The following MLLT10 variants were observed in gnomAD, a reference collection of about 807,000 sequenced individuals.
MLLT10 encodes MLLT10 histone lysine methyltransferase DOT1L cofactor, also known as protein AF-10.
A neutral mutation model predicts 129.1 loss-of-function variants in MLLT10; 30 were observed. That is an observed-to-expected ratio of 0.23 (90% CI 0.17 to 0.32). MLLT10 has a LOEUF of 0.32. MLLT10 is among the 10% of genes least tolerant of loss of function. The probability of loss-of-function intolerance (pLI) is 1.00; values close to 1 mark genes in which losing one functional copy is unlikely to be tolerated. For synonymous variants in MLLT10, 490 were observed against 446.4 expected, an observed-to-expected ratio of 1.10 and a Z score of -1.23; for missense variants, 1,119 against 1,268.3, an observed-to-expected ratio of 0.88 and a Z score of 1.79.
At chr10:21,626,674 C>T (rs1564533577) in intron 8 of MLLT10, among the ~76,000 whole-genome samples, 1 of 152,188 alleles carries the variant, frequency 6.6e-6, no homozygotes, top group Non-Finnish European at 1.5e-5. Context: ...TTGAAGAGAG[C>T]TAGACTACTT....
At chr10:21,738,337 A>C (rs1306380236) in intron 21 of MLLT10, 1 of 1,163,278 alleles carries the variant, frequency 8.6e-7, no homozygotes, top group East Asian at 5.8e-5. Context: ...GCCTCATCTT[A>C]ATATGAGCAC....
At chr10:21,570,983 T>C (rs537183268) in intron 3 of MLLT10, among the ~76,000 whole-genome samples, 2 of 152,204 alleles carry the variant, frequency 1.3e-5, no homozygotes, top group Non-Finnish European at 2.9e-5. Flanking sequence ...TGTGGCATTA[T>C]TGAGTTGCTT....
At chr10:21,699,907 A>G (rs188998312) in intron 13 of MLLT10, among the ~76,000 whole-genome samples, 4 of 152,100 alleles carry the variant, frequency 2.6e-5, no homozygotes, top group South Asian at 2.1e-4. Context: ...TTCTATTTCT[A>G]TGAAAAATGA....
intron 8 of MLLT10, chr10:21,625,591 T>C (rs1251127495): frequency 3.7e-5 from 28 of 758,908 alleles, no homozygotes. Flanking sequence ...ATTTCTTCTT[T>C]TTGTCATCAG....
intron 3 of MLLT10, among the ~76,000 whole-genome samples, chr10:21,573,917 A>G (rs1423147992): frequency 3.3e-5 from 5 of 152,060 alleles, no homozygotes; most frequent in Non-Finnish European, 7.4e-5. Flanking sequence ...TATTTTTGCA[A>G]CTTTGTATGG....
At chr10:21,630,525 GT>G (rs1379206169) in intron 8 of MLLT10, among the ~76,000 whole-genome samples, 2 of 152,100 alleles carry the variant, frequency 1.3e-5, no homozygotes, top group African/African-American at 4.8e-5. Context: ...TGTTTATGTT[GT>G]TTATATAGCA....
intron 3 of MLLT10, among the ~76,000 whole-genome samples, chr10:21,550,174 C>A (rs2036773539): frequency 6.6e-6 from 1 of 152,184 alleles, no homozygotes; most frequent in South Asian, 2.1e-4. Context: ...CCAGGCCAGT[C>A]TCTAAGTTTG....
intron 9 of MLLT10, among the ~76,000 whole-genome samples, chr10:21,665,297 T>TG (rs1488189250): frequency 3.0e-5 from 3 of 101,694 alleles, no homozygotes; most frequent in African/African-American, 1.2e-4. Flanking sequence ...TTGTTTGTTT[T>TG]TTTTGGGGGG....
chr10:21,734,899 C>A (rs2058238241), intron 20 of MLLT10, among the ~76,000 whole-genome samples: 1 of 152,050 alleles, frequency 6.6e-6, no homozygotes, highest in Non-Finnish European at 1.5e-5. Context: ...TGAGTTAGGG[C>A]CTATTTGTTT....
chr10:21,682,289 C>G (rs746443294), intron 13 of MLLT10, 32 bp downstream of exon 13: 2 of 1,594,142 alleles, frequency 1.3e-6, no homozygotes, highest in East Asian at 4.5e-5. Context: ...TCTAGTGGTT[C>G]GTTTATCACA....
intron 5 of MLLT10, among the ~76,000 whole-genome samples, chr10:21,606,971 T>G (rs2063809741): frequency 6.6e-6 from 1 of 152,154 alleles, no homozygotes; most frequent in Non-Finnish European, 1.5e-5. Flanking sequence ...CCAACTTTAT[T>G]GTTATAAATG....
At position 21,733,906 on chromosome 10, in the gene MLLT10, G is replaced by C; in HGVS notation, c.2635G>C (p.Ala879Pro). The C allele has an allele frequency of 6.2e-7, 1 of 1,614,196 alleles. No homozygotes were observed. Among genetic ancestry groups the C allele is most frequent in the Non-Finnish European group, 8.5e-7 (1 of 1,180,034 alleles). Residue 879 changes from alanine (A) to proline (P), a missense_variant, in exon 20 of 23, where the codon GCT (alanine) becomes CCT (proline). By Grantham distance (27) the Ala-to-Pro change is conservative. Transcript: ENST00000307729. ...QVNGVTVGAL[A>P]SGMQPVTSTI... ...CAATGGCGTGACAGTGGGGGCACTA[G>C]CTAGTGGAATGCAGCCTGTAACTTC...
chr10:21,624,778 C>T (rs1002768279), intron 8 of MLLT10: 15 of 1,100,134 alleles, frequency 1.4e-5, no homozygotes, highest in East Asian at 2.4e-5. Flanking sequence ...CCTTCTCTTG[C>T]GTCCTACATT....
intron 14 of MLLT10, among the ~76,000 whole-genome samples, chr10:21,718,915 G>T (rs2056942431): frequency 6.6e-6 from 1 of 152,030 alleles, no homozygotes; most frequent in South Asian, 2.1e-4. Flanking sequence ...GTAGAGATGG[G>T]GTTTCACCAT....
At chr10:21,674,280 T>C (rs192201844) in intron 11 of MLLT10, among the ~76,000 whole-genome samples, 159 of 152,154 alleles carry the variant, frequency 1.0e-3, no homozygotes, top group Non-Finnish European at 2.0e-3. Context: ...GGTGTGAGAG[T>C]TTTTACCCTT....
In MLLT10 at chr10:21,619,069, C is replaced by T. The variant is rs1307706389; in HGVS notation, c.699+1862C>T. ...ACACACACACACACACACACACACA[C>T]TTTTTTTAGATCTCAGGCAGCAAGT... On this transcript the variant is annotated intron_variant, in intron 8 of 22. Transcript: ENST00000307729. Among the ~76,000 whole-genome samples the T allele has an allele frequency of 4.8e-5, 7 of 146,862 alleles. No homozygotes were observed. In the East Asian group the frequency reaches 1.2e-3, roughly 25 times the overall value.
intron 2 of MLLT10, 119 bp from the exon 3 acceptor site, chr10:21,538,714 C>T: frequency 3.0e-6 from 2 of 659,692 alleles, no homozygotes; most frequent in South Asian, 2.0e-5. Flanking sequence ...TTTTACTTCT[C>T]TGTAAAGAGG....
At chr10:21,548,294 C>T (rs1341041942) in intron 3 of MLLT10, among the ~76,000 whole-genome samples, 1 of 151,626 alleles carries the variant, frequency 6.6e-6, no homozygotes, top group African/African-American at 2.4e-5. Context: ...CTTTTCTTTT[C>T]CTAGAACTGT....
chr10:21,591,792 C>T (rs2042534128), intron 4 of MLLT10, among the ~76,000 whole-genome samples: 1 of 151,550 alleles, frequency 6.6e-6, no homozygotes, highest in Non-Finnish European at 1.5e-5. Context: ...GGCACTATCT[C>T]GGCTCACTGC....
Sources: gnomAD v4.1 joint callset for allele counts (sites outside exome capture counted in the v4.1 genomes callset) on GRCh38, gnomAD v4.1.1 for gene constraint, MANE v1.5 for transcripts, NCBI Gene and HGNC (gene_info 2026-07-23, HGNC 2026-07-21) for gene names.